Variants in ADAMTSL3 observed in about 807,000 individuals in gnomAD.
ADAMTSL3 encodes ADAMTS like 3.
A neutral mutation model predicts 201.7 loss-of-function variants in ADAMTSL3; 128 were observed. The ratio of observed to expected loss-of-function variants is 0.63; its 90% CI spans 0.55 to 0.73. ADAMTSL3 has a LOEUF of 0.73. ADAMTSL3 is among the 30% of genes least tolerant of loss of function. The probability of loss-of-function intolerance (pLI) is 0.00; values close to 1 mark genes in which losing one functional copy is unlikely to be tolerated. For synonymous variants in ADAMTSL3, 738 were observed against 748.4 expected (o/e 0.99, Z 0.23); for missense variants, 1,990 against 2,119.6 (o/e 0.94, Z 1.20).
chr15:83,681,223 C>G (rs2061472559), intron 2 of ADAMTSL3, among the ~76,000 whole-genome samples: 1 of 152,316 alleles, frequency 6.6e-6, no homozygotes, highest in African/African-American at 2.4e-5. Flanking sequence ...ACATATCTAT[C>G]ACATTTCTCC....
At chr15:84,019,300 T>G (rs12914602) in intron 25 of ADAMTSL3, among the ~76,000 whole-genome samples, 52,236 of 151,962 alleles carry the variant, frequency 0.34, 9,106 homozygotes, top group Middle Eastern at 0.48. Flanking sequence ...CATTGCTTAG[T>G]GTGTAAAATG....
chr15:83,706,092 T>C (rs913274141), intron 3 of ADAMTSL3, among the ~76,000 whole-genome samples: 2 of 152,106 alleles, frequency 1.3e-5, no homozygotes, highest in African/African-American at 4.8e-5. Flanking sequence ...GGTCTATAAT[T>C]TATAGCTCCT....
At chr15:83,991,046 G>A (rs376147364) in intron 22 of ADAMTSL3, 40 bp from the exon 23 acceptor site, 10 of 1,613,196 alleles carry the variant, frequency 6.2e-6, no homozygotes, top group Non-Finnish European at 5.1e-6. Context: ...AAGAGCAAAA[G>A]CCTGAACCTA....
chr15:83,675,203 C>G (rs953819355), intron 2 of ADAMTSL3, among the ~76,000 whole-genome samples: 1 of 151,938 alleles, frequency 6.6e-6, no homozygotes, highest in East Asian at 1.9e-4. Flanking sequence ...AATTAACAAC[C>G]AATACTATGT....
intron 8 of ADAMTSL3, among the ~76,000 whole-genome samples, chr15:83,866,405 T>C (rs1324083737): frequency 6.6e-6 from 1 of 152,186 alleles, no homozygotes; most frequent in Non-Finnish European, 1.5e-5. Flanking sequence ...GTGGCACATA[T>C]ACACCATGGA....
intron 2 of ADAMTSL3, among the ~76,000 whole-genome samples, chr15:83,686,291 G>T (rs2061535325): frequency 6.6e-6 from 1 of 152,156 alleles, no homozygotes; most frequent in Non-Finnish European, 1.5e-5. Flanking sequence ...TTTACTGTGG[G>T]CAGCGACTTG....
At chr15:83,672,339 C>A (rs2061339144) in intron 2 of ADAMTSL3, among the ~76,000 whole-genome samples, 1 of 152,138 alleles carries the variant, frequency 6.6e-6, no homozygotes, top group African/African-American at 2.4e-5. Flanking sequence ...GCTGGTGCTC[C>A]AGGGGGTCTG....
At chr15:83,760,468 A>T (rs2062790600) in intron 3 of ADAMTSL3, among the ~76,000 whole-genome samples, 1 of 152,126 alleles carries the variant, frequency 6.6e-6, no homozygotes, top group African/African-American at 2.4e-5. Context: ...ATATTCTGAG[A>T]TGGTTAGTTG....
chr15:83,899,069 GATT>G (rs1185005738), intron 14 of ADAMTSL3, among the ~76,000 whole-genome samples: 1 of 152,116 alleles, frequency 6.6e-6, no homozygotes, highest in African/African-American at 2.4e-5. Flanking sequence ...TTCATAGATA[GATT>G]ATTCCTTTCT....
At chr15:83,874,926 C>T (rs2065150903) in intron 9 of ADAMTSL3, among the ~76,000 whole-genome samples, 1 of 145,470 alleles carries the variant, frequency 6.9e-6, no homozygotes, top group Non-Finnish European at 1.5e-5. Context: ...GTTTGTCTTT[C>T]TTGTGGACCT....
chr15:83,863,837 T>G (rs2064918475), intron 8 of ADAMTSL3, among the ~76,000 whole-genome samples: 1 of 152,090 alleles, frequency 6.6e-6, no homozygotes. Flanking sequence ...GCTGGTTTTT[T>G]GAAAAGATCA....
intron 2 of ADAMTSL3, among the ~76,000 whole-genome samples, chr15:83,688,757 C>T (rs1035500034): frequency 2.1e-5 from 3 of 141,268 alleles, no homozygotes; most frequent in African/African-American, 2.7e-5. Context: ...CATATATATA[C>T]ACACACACAC....
At chr15:83,821,320 G>C (rs1312203514) in intron 6 of ADAMTSL3, among the ~76,000 whole-genome samples, 2 of 150,566 alleles carry the variant, frequency 1.3e-5, no homozygotes, top group Non-Finnish European at 1.5e-5. Context: ...TAGGACAATA[G>C]TGGAGGGAAG....
chr15:84,014,274 T>A (rs993155643), intron 23 of ADAMTSL3, among the ~76,000 whole-genome samples: 4 of 152,156 alleles, frequency 2.6e-5, no homozygotes, highest in Non-Finnish European at 4.4e-5. Context: ...CCCTTCCCAA[T>A]ACAGAGCAAT....
At chr15:83,994,355 A>G (rs2135877) in intron 23 of ADAMTSL3, among the ~76,000 whole-genome samples, 59,150 of 152,028 alleles carry the variant, frequency 0.39, 12,275 homozygotes, top group African/African-American at 0.54. Context: ...CCAGGCAGCT[A>G]GGTACATGTA....
At chr15:83,916,999 T>G (rs1438938236) in intron 16 of ADAMTSL3, among the ~76,000 whole-genome samples, 1 of 152,198 alleles carries the variant, frequency 6.6e-6, no homozygotes, top group Non-Finnish European at 1.5e-5. Flanking sequence ...TTCAACGTGG[T>G]TCAGTAAGTT....
At chr15:83,748,649 C>CAAAAAAAAAAAAAAAAAAAAAAAAAAAA (rs71156097) in intron 3 of ADAMTSL3, among the ~76,000 whole-genome samples, 1 of 70,514 alleles carries the variant, frequency 1.4e-5, no homozygotes, top group Non-Finnish European at 2.6e-5. Context: ...GACCCTGTCT[C>CAAAAAAAAAAAAAAAAAAAAAAAAAAAA]AAAAAAAAAA....
chr15:83,982,521 G>T lies in ADAMTSL3; in HGVS notation c.2893G>T (p.Gly965Cys), dbSNP rs778710761. The change falls in exon 21 of 30, where the codon GGC becomes TGC. Residue 965 changes from glycine (G) to cysteine (C), a missense_variant. Transcript: ENST00000286744. Reference protein sequence around the residue: ...NSKRLGITKSGSLKIHGLAAP... With the variant: ...NSKRLGITKSCSLKIHGLAAP... Reference sequence around the variant, plus strand: ...CAAACGGCTTGGCATCACCAAGTCAGGCTCACTAAAAATCCATGGTCTTGC... The same window carrying T: ...CAAACGGCTTGGCATCACCAAGTCATGCTCACTAAAAATCCATGGTCTTGC... 4 of 1,614,190 alleles carry T rather than the reference G, an allele frequency of 2.5e-6. No individual in the cohort carries two copies. The highest frequency in any genetic ancestry group is 2.5e-6 in the Non-Finnish European group (3 of 1,180,028).
chr15:83,971,558 C>CA (rs68134290), intron 20 of ADAMTSL3, among the ~76,000 whole-genome samples: 20,391 of 62,238 alleles, frequency 0.33, 2,183 homozygotes, highest in East Asian at 0.37. Flanking sequence ...GACTCTGTCT[C>CA]AAAAAAAAAA....
Sources: allele counts gnomAD v4.1 joint callset (sites outside exome capture counted in the v4.1 genomes callset), GRCh38; gene constraint gnomAD v4.1.1; transcripts MANE v1.5; gene names NCBI Gene and HGNC (gene_info 2026-07-23, HGNC 2026-07-21).